The following TG variants were observed in gnomAD, a reference collection of about 807,000 sequenced individuals.
TG encodes the protein thyroid hormones.
A neutral mutation model predicts 324.7 loss-of-function variants in TG; 270 were observed. That is an observed-to-expected ratio of 0.83 (90% confidence interval 0.75 to 0.92). The LOEUF (loss-of-function observed/expected upper bound fraction) is 0.92, where lower values mean the gene tolerates loss of function less well. Among genes scored for constraint, TG ranks in the 40% least tolerant of loss-of-function variants. The probability of loss-of-function intolerance (pLI) is 0.00; values close to 1 mark genes in which losing one functional copy is unlikely to be tolerated. For missense variants in TG, 3,591 were observed against 3,456.4 expected (o/e 1.04, Z -0.98); for synonymous variants, 1,401 against 1,327.0 (o/e 1.06, Z -1.21).
Position 132,934,013 on chromosome 8 carries a change from T to C in TG, c.4932+337T>C, listed in dbSNP as rs1474540. 0.4 allele frequency among the ~76,000 whole-genome samples: 61,380 copies of C among 151,896 alleles called. 15,199 individuals are homozygous for C. The highest frequency in any genetic ancestry group is 0.53 in the Admixed American group (8,141 of 15,252). ...TGCCCCTTGGGGTCCCAGACCCGAA[T>C]ATGCCTTTCCATTGTAGAAATAAAA... On this transcript the variant is annotated intron_variant, in intron 24 of 47. Coordinates refer to ENST00000220616, the MANE Select transcript of TG (RefSeq NM_003235.5).
intron 10 of TG, among the ~76,000 whole-genome samples, chr8:132,891,867 T>C (rs1332786863): frequency 6.6e-6 from 1 of 152,222 alleles, no homozygotes; most frequent in Non-Finnish European, 1.5e-5. Context: ...AAGAATCCAA[T>C]GACACCCCCA....
rs12543299 is a variant in TG, at chr8:132,888,154, G to A, written c.2347G>A (p.Glu783Lys). 5.6e-6 allele frequency: 9 copies of A among 1,613,870 alleles called. No individual in the cohort carries two copies. The highest frequency in any genetic ancestry group is 3.3e-5 in the Admixed American group (2 of 59,986). Residue 783 changes from glutamate to lysine, a missense_variant, in exon 10 of 48, where the codon GAG (glutamate) becomes AAG (lysine). Physicochemically the swap from Glu to Lys is moderately conservative, Grantham distance 56. Coordinates refer to ENST00000220616, the MANE Select transcript of TG (RefSeq NM_003235.5). The stretch of plus-strand genomic sequence containing the variant: ...CAATGGGCCTCCTGAGCAGGTCTTC[G>A]AGTTGTACCAACGATGGGAGGCTCA... ...QCNGPPEQVF[E>K]LYQRWEAQNK...
chr8:132,956,957 C>T (rs1826972717), intron 27 of TG, among the ~76,000 whole-genome samples: 1 of 151,878 alleles, frequency 6.6e-6, no homozygotes, highest in African/African-American at 2.4e-5. Flanking sequence ...CAAGGACGAC[C>T]CAAGAGGAAG....
chr8:132,992,476 G>A (rs774657176), intron 35 of TG, among the ~76,000 whole-genome samples: 4 of 152,188 alleles, frequency 2.6e-5, no homozygotes, highest in Non-Finnish European at 4.4e-5. Context: ...GGAAAATTGC[G>A]ATTACTTTTG....
intron 41 of TG, among the ~76,000 whole-genome samples, chr8:133,080,279 C>T (rs955711441): frequency 1.3e-5 from 2 of 152,128 alleles, no homozygotes; most frequent in African/African-American, 4.8e-5. Context: ...TTGGCCTTTG[C>T]GTATGTTACG....
At chr8:132,930,212 T>C (rs867828075) in intron 23 of TG, among the ~76,000 whole-genome samples, 1 of 152,160 alleles carries the variant, frequency 6.6e-6, no homozygotes, top group Non-Finnish European at 1.5e-5. Context: ...GAGGAAATAT[T>C]TGTAGAATGA....
chr8:133,035,735 C>A (rs952415905), intron 41 of TG, among the ~76,000 whole-genome samples: 5 of 152,204 alleles, frequency 3.3e-5, no homozygotes, highest in African/African-American at 4.8e-5. Flanking sequence ...TCAAAATGCA[C>A]CACAGGTTTT....
chr8:132,968,840 G>C (rs1324901236), intron 31 of TG, among the ~76,000 whole-genome samples: 1 of 152,138 alleles, frequency 6.6e-6, no homozygotes, highest in African/African-American at 2.4e-5. Context: ...GGAAAATGTC[G>C]GGGGGACACC....
At chr8:132,893,391 GGGT>G (rs1450517849) in intron 10 of TG, among the ~76,000 whole-genome samples, 2,868 of 135,100 alleles carry the variant, frequency 0.021, 134 homozygotes, top group African/African-American at 0.077. Context: ...TAGTGTGGGG[GGGT>G]GGTGTGTATG....
At position 133,070,029 on chromosome 8, in the gene TG, A is replaced by AAAAAAAAC. The variant is rs376711807; in HGVS notation, c.7240-25014_7240-25013insAAAAAACA. 1.4e-4 allele frequency among the ~76,000 whole-genome samples: 15 copies of AAAAAAAAC among 109,796 alleles called. 3 individuals are homozygous for AAAAAAAAC. In the East Asian group the frequency reaches 1.6e-3, roughly 12 times the overall value. The allele number at this position is 109,796 out of a possible 152,430, so 72.0% of individuals were successfully genotyped here. A position where few individuals can be genotyped will look rare whatever the true frequency, so the allele number is the denominator to read the frequency against. On this transcript the variant is annotated intron_variant, in intron 41 of 47. Transcript: ENST00000220616. ...AAAAAAAAAAAAAAAAAAAAAAAGAAAGAAAGAAAGAAAAGAAAAGAAGAA... is the reference window on the plus strand; with the variant it reads ...AAAAAAAAAAAAAAAAAAAAAAAGAAAAAAAAACAGAAAGAAAGAAAAGAAAAGAAGAA...
chr8:132,948,769 T>C lies in TG; in HGVS notation c.5234-7T>C. The C allele has an allele frequency of 6.2e-7, 1 of 1,613,472 alleles. No individual in the cohort carries two copies. The highest frequency in any genetic ancestry group is 8.5e-7 in the Non-Finnish European group (1 of 1,180,016). ...CACTGACCTCTCCTACCTCTTGTGA[T>C]TCTCAGGTGCCATCATCTGTGGGTT... On this transcript the variant is annotated splice_region_variant and splice_polypyrimidine_tract_variant and intron_variant, in intron 26 of 47. Coordinates refer to ENST00000220616, the MANE Select transcript of TG (RefSeq NM_003235.5).
At chr8:133,062,300 A>C (rs1842476204) in intron 41 of TG, among the ~76,000 whole-genome samples, 1 of 152,228 alleles carries the variant, frequency 6.6e-6, no homozygotes, top group Admixed American at 6.5e-5. Flanking sequence ...GCAGGTTCTA[A>C]CAGCAACACC....
At chr8:133,050,940 A>G (rs1294098945) in intron 41 of TG, 2 of 1,394,902 alleles carry the variant, frequency 1.4e-6, no homozygotes, top group Non-Finnish European at 2.0e-6. Flanking sequence ...GCAAGGGGGA[A>G]GGGGGCAAGG....
At chr8:133,039,068 A>G (rs1324539725) in intron 41 of TG, among the ~76,000 whole-genome samples, 5 of 152,034 alleles carry the variant, frequency 3.3e-5, no homozygotes, top group Admixed American at 6.6e-5. Context: ...GAGTAGAGAC[A>G]GGGTTTCACC....
intron 34 of TG, among the ~76,000 whole-genome samples, chr8:132,978,554 T>A (rs539887975): frequency 1.3e-5 from 2 of 152,306 alleles, no homozygotes; most frequent in South Asian, 4.1e-4. Flanking sequence ...TGGCTTGTAT[T>A]ACTGTAGTGG....
chr8:133,133,007 C>T (rs1426967725), intron 46 of TG, among the ~76,000 whole-genome samples: 1 of 152,170 alleles, frequency 6.6e-6, no homozygotes, highest in Non-Finnish European at 1.5e-5. Flanking sequence ...CGGGCCTGGG[C>T]AGCAAGTTTG....
At chr8:133,067,801 AAAG>A (rs1843241488) in intron 41 of TG, among the ~76,000 whole-genome samples, 1 of 148,468 alleles carries the variant, frequency 6.7e-6, no homozygotes, top group African/African-American at 2.5e-5. Context: ...AAAAAGAAAG[AAAG>A]AAAGAAAGGA....
chr8:133,031,048 A>T (rs1836591412), intron 41 of TG, among the ~76,000 whole-genome samples: 3 of 152,334 alleles, frequency 2.0e-5, no homozygotes, highest in Middle Eastern at 3.4e-3. Flanking sequence ...GATTAAGTAC[A>T]TTCCCAATGT....
Position 132,919,470 on chromosome 8 carries a change from C to G in TG, c.4473C>G (p.Val1491=). ...YQEQAGSLAC[V]PCPVGRTTIS... is the part of the protein sequence containing the mutation. Reference sequence around the variant, plus strand: ...AACAGGCAGGGAGCTTGGCCTGTGTCCCATGTCCTGTGGGCAGAACGACCA... The same window carrying G: ...AACAGGCAGGGAGCTTGGCCTGTGTGCCATGTCCTGTGGGCAGAACGACCA... The change falls in exon 21 of 48, where the codon GTC becomes GTG. Residue 1491 remains valine (V), a synonymous_variant. Transcript: ENST00000220616. 6.2e-7 allele frequency: 1 copy of G among 1,614,096 alleles called. No homozygotes were observed. Among genetic ancestry groups the G allele is most frequent in the Non-Finnish European group, 8.5e-7 (1 of 1,179,992 alleles).
Sources: gnomAD v4.1 joint callset for allele counts (sites outside exome capture counted in the v4.1 genomes callset) on GRCh38, gnomAD v4.1.1 for gene constraint, MANE v1.5 for transcripts, NCBI Gene and HGNC (gene_info 2026-07-23, HGNC 2026-07-21) for gene names.